Variants in EXOC2 observed in about 807,000 individuals in gnomAD.
EXOC2 encodes the protein SEC5-like 1.
EXOC2 carries 70 observed loss-of-function variants against 131.8 expected under a neutral mutation model. The ratio of observed to expected loss-of-function variants is 0.53; its 90% confidence interval spans 0.44 to 0.65. The LOEUF (loss-of-function observed/expected upper bound fraction) is 0.65, where lower values mean the gene tolerates loss of function less well. EXOC2 is among the 30% of genes least tolerant of loss of function. The pLI is 0.00. For missense variants in EXOC2, 923 were observed against 1,108.6 expected, an observed-to-expected ratio of 0.83 and a Z score of 2.38; for synonymous variants, 411 against 398.4, an observed-to-expected ratio of 1.03 and a Z score of -0.38.
chr6:628,462 G>A (rs550235303), intron 4 of EXOC2, among the ~76,000 whole-genome samples: 2 of 152,322 alleles, frequency 1.3e-5, no homozygotes, highest in South Asian at 4.1e-4. Flanking sequence ...TTCAAAGGCT[G>A]AGAAGGTGTG....
intron 1 of EXOC2, among the ~76,000 whole-genome samples, chr6:691,050 C>T (rs1227259055): frequency 6.6e-6 from 1 of 152,174 alleles, no homozygotes; most frequent in Non-Finnish European, 1.5e-5. Context: ...GATTAAGATG[C>T]GTAAACTGGA....
At chr6:500,318 C>A (rs1353747880) in intron 23 of EXOC2, among the ~76,000 whole-genome samples, 1 of 152,108 alleles carries the variant, frequency 6.6e-6, no homozygotes, top group Non-Finnish European at 1.5e-5. Context: ...AAAGCCTGGA[C>A]AAAATAAAAC....
intron 1 of EXOC2, among the ~76,000 whole-genome samples, chr6:660,023 T>C (rs375625011): frequency 6.6e-5 from 10 of 151,806 alleles, no homozygotes; most frequent in African/African-American, 2.2e-4. Flanking sequence ...GGCACGGTGG[T>C]TGTGAGACTG....
Position 506,548 on chromosome 6 carries a change from C to T in EXOC2, c.2381-6848G>A, listed in dbSNP as rs1244887325. Among the ~76,000 whole-genome samples the T allele has an allele frequency of 2.0e-5, 3 of 152,126 alleles. No individual in the cohort carries two copies. The highest frequency in any genetic ancestry group is 3.8e-4 in the East Asian group (2 of 5,202). On this transcript the variant is annotated intron_variant, in intron 23 of 27. Coordinates refer to ENST00000230449, the MANE Select transcript of EXOC2 (RefSeq NM_018303.6). This position sits in a 1 kb window ranked among gnomAD's most constrained non-coding sequence, Gnocchi z 4.4. ...CCCACAACTTTCCATGTTGTTCAAG[C>T]GAGGGAATGAGAAACAGTTTCTAAG... is the stretch of plus-strand genomic sequence containing the variant.
chr6:565,027 A>T, intron 13 of EXOC2, 98 bp from the exon 14 acceptor site: 1 of 887,932 alleles, frequency 1.1e-6, no homozygotes, highest in Non-Finnish European at 1.6e-6. Context: ...AAATATGGTT[A>T]TAACTTGATT....
At chr6:659,525 C>A (rs1763314960) in intron 1 of EXOC2, among the ~76,000 whole-genome samples, 1 of 152,212 alleles carries the variant, frequency 6.6e-6, no homozygotes, top group African/African-American at 2.4e-5. Flanking sequence ...GGGAGACACT[C>A]CAAATACTGT....
intron 24 of EXOC2, among the ~76,000 whole-genome samples, chr6:498,110 ATTTTCT>A (rs1351927949): frequency 6.6e-6 from 1 of 152,226 alleles, no homozygotes; most frequent in Non-Finnish European, 1.5e-5. Context: ...AGTAAATCAT[ATTTTCT>A]TTTTAAGCTT....
At chr6:651,030 CTTT>C (rs66636202) in intron 1 of EXOC2, among the ~76,000 whole-genome samples, 68 of 136,174 alleles carry the variant, frequency 5.0e-4, no homozygotes, top group African/African-American at 4.0e-4. Context: ...GGCATGTGTT[CTTT>C]TTTTTTTTTT....
At chr6:647,582 T>C (rs1420728623) in intron 1 of EXOC2, among the ~76,000 whole-genome samples, 2 of 130,934 alleles carry the variant, frequency 1.5e-5, no homozygotes, top group Non-Finnish European at 3.2e-5. Flanking sequence ...TACCACCATA[T>C]GTCCTGTGAG....
intron 1 of EXOC2, among the ~76,000 whole-genome samples, chr6:641,152 A>G (rs1292234688): frequency 2.0e-5 from 3 of 152,156 alleles, no homozygotes; most frequent in Non-Finnish European, 2.9e-5. Flanking sequence ...CCAGGGAGTG[A>G]CCATCTTTTC....
chr6:669,478 G>A (rs1763766118), intron 1 of EXOC2: 1 of 152,526 alleles, frequency 6.6e-6, no homozygotes, highest in Non-Finnish European at 1.5e-5. Context: ...GGCCATGCTG[G>A]AGGCTTTGCT....
At chr6:573,935 TG>T (rs1758433848) in intron 12 of EXOC2, among the ~76,000 whole-genome samples, 1 of 152,214 alleles carries the variant, frequency 6.6e-6, no homozygotes, top group South Asian at 2.1e-4. Context: ...CCCTCCCAAC[TG>T]TTCTTTACAC....
At chr6:500,805 T>C (rs1016485814) in intron 23 of EXOC2, among the ~76,000 whole-genome samples, 1 of 151,776 alleles carries the variant, frequency 6.6e-6, no homozygotes, top group African/African-American at 2.4e-5. Flanking sequence ...TTAAGGAAAA[T>C]ATTCTCCCAG....
intron 21 of EXOC2, among the ~76,000 whole-genome samples, chr6:550,791 A>G (rs1224279199): frequency 6.6e-6 from 1 of 152,198 alleles, no homozygotes; most frequent in Non-Finnish European, 1.5e-5. Context: ...TGCCTTCAAC[A>G]TGCTGTTCGC....
chr6:612,048 T>C (rs934557253), intron 6 of EXOC2, among the ~76,000 whole-genome samples: 1 of 152,222 alleles, frequency 6.6e-6, no homozygotes. Flanking sequence ...AGGAATAATG[T>C]CTGTGTAGGG....
At chr6:673,589 T>C (rs1399592829) in intron 1 of EXOC2, among the ~76,000 whole-genome samples, 1 of 152,180 alleles carries the variant, frequency 6.6e-6, no homozygotes, top group African/African-American at 2.4e-5. Flanking sequence ...TTTTCAGAAG[T>C]ACAGCATAAT....
At position 564,099 on chromosome 6, in the gene EXOC2, T is replaced by G. The variant is rs766654746; in HGVS notation, c.1723A>C (p.Ile575Leu). The change falls in exon 16 of 28, where the codon ATC becomes CTC. Residue 575 changes from isoleucine to leucine, a missense_variant. By Grantham distance (5) the Ile-to-Leu change is conservative. Transcript: ENST00000230449. ...CGGAGATCCAAGATGAGATCCTGGA[T>G]AGTCTGTAACAGGTCATTAGGAATT... ...LEIPNDLLQT[I>L]QDLILDLRVR... The G allele has an allele frequency of 1.9e-6, 3 of 1,614,152 alleles. No individual in the cohort carries two copies. Among genetic ancestry groups the G allele is most frequent in the Non-Finnish European group, 2.5e-6 (3 of 1,180,028 alleles).
intron 11 of EXOC2, among the ~76,000 whole-genome samples, chr6:583,586 C>T (rs963547918): frequency 6.6e-6 from 1 of 152,178 alleles, no homozygotes; most frequent in African/African-American, 2.4e-5. Context: ...CTATGCTATT[C>T]CAAAAGAAAT....
intron 22 of EXOC2, among the ~76,000 whole-genome samples, chr6:538,223 CAG>C (rs1211453740): frequency 6.6e-6 from 1 of 152,184 alleles, no homozygotes; most frequent in Non-Finnish European, 1.5e-5. Context: ...AGGATTTAAA[CAG>C]ATAATTCAGG....
Sources: allele counts gnomAD v4.1 joint callset (sites outside exome capture counted in the v4.1 genomes callset), GRCh38; gene constraint gnomAD v4.1.1; non-coding constraint Gnocchi (gnomAD v3.1); transcripts MANE v1.5; gene names NCBI Gene and HGNC (gene_info 2026-07-23, HGNC 2026-07-21).